Variants in SLC9C1 observed in about 807,000 individuals in gnomAD.
SLC9C1 encodes sodium/hydrogen exchanger 10.
A neutral mutation model predicts 140.9 loss-of-function variants in SLC9C1; 97 were observed. The ratio of observed to expected loss-of-function variants is 0.69; its 90% CI spans 0.58 to 0.82. The LOEUF is 0.82. Among genes scored for constraint, SLC9C1 ranks in the 40% least tolerant of loss-of-function variants. The pLI, the probability that SLC9C1 is intolerant of heterozygous loss-of-function variation, is 0.00. For missense variants in SLC9C1, 1,340 were observed against 1,389.3 expected, an observed-to-expected ratio of 0.96 and a Z score of 0.56; for synonymous variants, 440 against 442.6, an observed-to-expected ratio of 0.99 and a Z score of 0.07.
intron 12 of SLC9C1, among the ~76,000 whole-genome samples, chr3:112,237,202 C>T (rs1398308136): frequency 4.6e-5 from 7 of 152,084 alleles, no homozygotes; most frequent in Admixed American, 2.0e-4. Flanking sequence ...TTGAACTGAT[C>T]CCTTTACCAT....
chr3:112,279,147 CCTATT>C (rs1484186250), intron 3 of SLC9C1, among the ~76,000 whole-genome samples: 1 of 152,098 alleles, frequency 6.6e-6, no homozygotes, highest in African/African-American at 2.4e-5. Flanking sequence ...ATGTGTAACT[CCTATT>C]CTAGGTATCC....
intron 10 of SLC9C1, among the ~76,000 whole-genome samples, chr3:112,248,953 C>T (rs1489249666): frequency 6.6e-6 from 1 of 151,994 alleles, no homozygotes; most frequent in Non-Finnish European, 1.5e-5. Context: ...TTTCTCTTGC[C>T]TGATTGCTCT....
chr3:112,265,503 C>T (rs2079893649), intron 8 of SLC9C1, among the ~76,000 whole-genome samples: 1 of 152,082 alleles, frequency 6.6e-6, no homozygotes, highest in African/African-American at 2.4e-5. Flanking sequence ...AGAATTAATT[C>T]TATCTTCTAT....
intron 20 of SLC9C1, among the ~76,000 whole-genome samples, chr3:112,196,000 C>G (rs1353158018): frequency 6.6e-6 from 1 of 152,034 alleles, no homozygotes; most frequent in East Asian, 1.9e-4. Context: ...AGTCTTATTT[C>G]TTTATAAGGT....
chr3:112,234,779 GA>G (rs758424913), intron 12 of SLC9C1, among the ~76,000 whole-genome samples: 2 of 152,168 alleles, frequency 1.3e-5, no homozygotes, highest in Non-Finnish European at 2.9e-5. Flanking sequence ...TCAAAGATCA[GA>G]TAGTTGTAGA....
At chr3:112,225,407 T>C (rs1196421973) in intron 13 of SLC9C1, among the ~76,000 whole-genome samples, 3 of 152,014 alleles carry the variant, frequency 2.0e-5, no homozygotes, top group Non-Finnish European at 4.4e-5. Context: ...GGACAATAAC[T>C]AAGATTGTAA....
intron 22 of SLC9C1, among the ~76,000 whole-genome samples, 171 bp downstream of exon 22, chr3:112,180,393 C>T (rs560472055): frequency 6.6e-6 from 1 of 152,120 alleles, no homozygotes; most frequent in South Asian, 2.1e-4. Flanking sequence ...TGTGGTGGTG[C>T]GTGCCTGCAA....
chr3:112,231,517 AT>A, intron 12 of SLC9C1, 31 bp from the exon 13 acceptor site: 1 of 1,564,024 alleles, frequency 6.4e-7, no homozygotes, highest in Non-Finnish European at 8.7e-7. Flanking sequence ...AGAACAAAAA[AT>A]ACATGAATAT....
intron 6 of SLC9C1, among the ~76,000 whole-genome samples, chr3:112,272,419 T>C (rs2080102237): frequency 6.6e-6 from 1 of 152,178 alleles, no homozygotes; most frequent in African/African-American, 2.4e-5. Context: ...TTTCTTAATT[T>C]TTCCCTATTA....
intron 17 of SLC9C1, among the ~76,000 whole-genome samples, chr3:112,203,580 C>T (rs1039447245): frequency 5.9e-5 from 9 of 151,954 alleles, no homozygotes; most frequent in African/African-American, 2.2e-4. Flanking sequence ...GTATCACTCA[C>T]AGTGCTTATA....
chr3:112,231,609 A>G (rs895138476), intron 12 of SLC9C1, 123 bp from the exon 13 acceptor site: 2 of 880,454 alleles, frequency 2.3e-6, no homozygotes, highest in Non-Finnish European at 3.4e-6. Context: ...GGTAGATAAG[A>G]AAAATGTTCA....
chr3:112,242,140 A>G (rs1418162214), intron 11 of SLC9C1, among the ~76,000 whole-genome samples: 1 of 152,220 alleles, frequency 6.6e-6, no homozygotes, highest in Non-Finnish European at 1.5e-5. Context: ...AAAAGAAACT[A>G]TTAATAGAGT....
At chr3:112,227,100 A>G (rs2078702509) in intron 13 of SLC9C1, among the ~76,000 whole-genome samples, 1 of 152,152 alleles carries the variant, frequency 6.6e-6, no homozygotes, top group Non-Finnish European at 1.5e-5. Context: ...ATTCCTGGAC[A>G]CATAAACCTA....
intron 6 of SLC9C1, among the ~76,000 whole-genome samples, chr3:112,274,515 T>C (rs1210573267): frequency 6.6e-6 from 1 of 152,084 alleles, no homozygotes; most frequent in Non-Finnish European, 1.5e-5. Context: ...GCATGAGATA[T>C]AGTTCCAGGG....
At chr3:112,278,390 A>G (rs559355669) in intron 4 of SLC9C1, among the ~76,000 whole-genome samples, 34 of 152,308 alleles carry the variant, frequency 2.2e-4, no homozygotes, top group South Asian at 1.7e-3. Flanking sequence ...ATAGGTATTT[A>G]AAACATGACT....
intron 1 of SLC9C1, among the ~76,000 whole-genome samples, chr3:112,291,062 C>T (rs2080668009): frequency 6.6e-6 from 1 of 152,118 alleles, no homozygotes; most frequent in African/African-American, 2.4e-5. Flanking sequence ...AGTATTGATA[C>T]ATGTGGATTT....
chr3:112,251,311 T>C (rs563784003), intron 10 of SLC9C1, among the ~76,000 whole-genome samples: 1 of 152,108 alleles, frequency 6.6e-6, no homozygotes, highest in African/African-American at 2.4e-5. Flanking sequence ...AAGTGGTGTG[T>C]GAGTGACTGA....
At chr3:112,278,326 T>A (rs900229531) in intron 4 of SLC9C1, among the ~76,000 whole-genome samples, 6 of 152,192 alleles carry the variant, frequency 3.9e-5, no homozygotes, top group Non-Finnish European at 7.4e-5. Flanking sequence ...TAGCTGCTTG[T>A]GTTTTCTTCT....
Position 112,141,154 on chromosome 3 carries a change from T to C in SLC9C1, c.*118A>G, listed in dbSNP as rs2074608690. On this transcript the variant is annotated 3_prime_UTR_variant, in exon 29 of 29. Coordinates refer to ENST00000305815, the MANE Select transcript of SLC9C1 (RefSeq NM_183061.3). ...ATTTCTTTTCTGCTTAGCACCAAGA[T>C]CATCCACACAGGATCCAACCTGAAG... 7.4e-6 allele frequency: 8 copies of C among 1,086,394 alleles called. No individual in the cohort carries two copies. The highest frequency in any genetic ancestry group is 1.6e-5 in the African/African-American group (1 of 61,512). The allele number at this position is 1,086,394 out of a possible 1,614,324, so 67.3% of individuals were successfully genotyped here.
Sources: gnomAD v4.1 joint callset for allele counts (sites outside exome capture counted in the v4.1 genomes callset) on GRCh38, gnomAD v4.1.1 for gene constraint, MANE v1.5 for transcripts, NCBI Gene and HGNC (gene_info 2026-07-23, HGNC 2026-07-21) for gene names.